The following ARHGAP29 variants were observed in gnomAD, a reference collection of about 807,000 sequenced individuals.
ARHGAP29 encodes rho GTPase-activating protein 29.
ARHGAP29 carries 43 observed loss-of-function variants against 122.6 expected under a neutral mutation model. The observed-to-expected ratio is 0.35, with a 90% CI of 0.27 to 0.45. The LOEUF is 0.45. Ranked by LOEUF, ARHGAP29 falls within the 20% of genes least tolerant of loss-of-function variation. ARHGAP29 has a pLI of 1.00. For synonymous variants in ARHGAP29, 506 were observed against 497.1 expected (o/e 1.02, Z -0.24); for missense variants, 1,303 against 1,477.2 (o/e 0.88, Z 1.93).
intron 1 of ARHGAP29, among the ~76,000 whole-genome samples, chr1:94,256,406 A>C (rs2100705076): frequency 6.6e-6 from 1 of 152,250 alleles, no homozygotes; most frequent in African/African-American, 2.4e-5. Context: ...GAACCCCTTC[A>C]TAAGTTACCT....
chr1:94,223,939 C>G (rs896075196), intron 2 of ARHGAP29, among the ~76,000 whole-genome samples: 1 of 151,996 alleles, frequency 6.6e-6, no homozygotes, highest in African/African-American at 2.4e-5. Context: ...TCCCAAGTAG[C>G]TAGGATTACA....
the ARHGAP29 span, among the ~76,000 whole-genome samples, chr1:94,284,007 A>G: frequency 6.6e-6 from 1 of 152,186 alleles, no homozygotes; most frequent in South Asian, 2.1e-4. Flanking sequence ...AAAATGAACA[A>G]TAAATCACAG....
upstream of ARHGAP29, chr1:94,237,653 G>A (rs1410091545): frequency 1.0e-6 from 1 of 986,206 alleles, no homozygotes; most frequent in Non-Finnish European, 1.2e-6. Context: ...GCCCCCTGGA[G>A]CCCAGCCCAT....
chr1:94,252,509 C>T (rs933432529), intron 1 of ARHGAP29, among the ~76,000 whole-genome samples: 2 of 152,136 alleles, frequency 1.3e-5, no homozygotes, highest in African/African-American at 4.8e-5. Flanking sequence ...CCAGGGAGTC[C>T]TCAGGCAAAC....
At chr1:94,198,807 T>A (rs1297095980) in intron 12 of ARHGAP29, among the ~76,000 whole-genome samples, 2 of 152,174 alleles carry the variant, frequency 1.3e-5, no homozygotes, top group African/African-American at 4.8e-5. Context: ...AACCAAAATG[T>A]TGGCAAGAGT....
the ARHGAP29 span, among the ~76,000 whole-genome samples, chr1:94,284,569 G>A: frequency 5.3e-5 from 8 of 152,332 alleles, no homozygotes; most frequent in South Asian, 6.2e-4. Flanking sequence ...CCAATGCATG[G>A]TTGGCTATGC....
chr1:94,186,640 A>G, intron 15 of ARHGAP29, 43 bp from the exon 16 acceptor site: 1 of 1,355,986 alleles, frequency 7.4e-7, no homozygotes, highest in Non-Finnish European at 1.0e-6. Flanking sequence ...CATTCATTGT[A>G]GAATCTTTGA....
At chr1:94,227,128 A>AT (rs3838305) in intron 2 of ARHGAP29, among the ~76,000 whole-genome samples, 1 of 151,476 alleles carries the variant, frequency 6.6e-6, no homozygotes, top group Non-Finnish European at 1.5e-5. Context: ...TAAACTTTTC[A>AT]TTTAATGAAA....
At chr1:94,238,581 CTG>C (rs1228869944), upstream of ARHGAP29, among the ~76,000 whole-genome samples, 5 of 152,174 alleles carry the variant, frequency 3.3e-5, no homozygotes, top group South Asian at 1.0e-3. Flanking sequence ...GGGAGGGAGA[CTG>C]TGGGTAGCGC....
At chr1:94,203,898 T>C (rs1238293710) in intron 8 of ARHGAP29, 32 bp downstream of exon 8, 1 of 1,601,062 alleles carries the variant, frequency 6.2e-7, no homozygotes, top group East Asian at 2.2e-5. Context: ...AGTTTCTTAT[T>C]ATAGAACCCC....
In ARHGAP29 at chr1:94,190,320, A is replaced by G. The variant is rs1027156996; in HGVS notation, c.1282-237T>C. 22 of 366,696 alleles carry G rather than the reference A, an allele frequency of 6.0e-5. No homozygotes were observed. The Admixed American group carries it at 9.1e-4, about 15-fold the overall frequency. The allele number at this position is 366,696 out of a possible 1,614,324, so 22.7% of individuals were successfully genotyped here. On this transcript the variant is annotated intron_variant, in intron 12 of 22. Transcript: ENST00000260526. ...TCCAGCAAAACTGGCTTTTAGCTGAAAAGTTCAAAAGTGACTTCAAAAACT... is the reference window on the plus strand; with the variant it reads ...TCCAGCAAAACTGGCTTTTAGCTGAGAAGTTCAAAAGTGACTTCAAAAACT...
intron 1 of ARHGAP29, among the ~76,000 whole-genome samples, chr1:94,268,719 G>A (rs1031511349): frequency 3.9e-5 from 6 of 152,044 alleles, no homozygotes; most frequent in South Asian, 2.1e-4. Flanking sequence ...CTTCTTTTTA[G>A]AAACTGGGTC....
Position 94,170,640 on chromosome 1 carries a change from GTAGA to G in ARHGAP29, c.*3225_*3228del, listed in dbSNP as rs988315254. On this transcript the variant is annotated 3_prime_UTR_variant, in exon 23 of 23. Transcript: ENST00000260526. Reference sequence around the variant, plus strand: ...TGCCCTTGTCTTAAGGAAACACACAGTAGATAGAGGTAATAATGCAAAAAATATT... The same window carrying G: ...TGCCCTTGTCTTAAGGAAACACACAGTAGAGGTAATAATGCAAAAAATATT... Among the ~76,000 whole-genome samples the G allele has an allele frequency of 2.0e-5, 3 of 152,196 alleles. No individual in the cohort carries two copies. The highest frequency in any genetic ancestry group is 4.1e-4 in the South Asian group (2 of 4,832).
At chr1:94,246,527 C>T (rs1356375335) in intron 1 of ARHGAP29, among the ~76,000 whole-genome samples, 1 of 152,032 alleles carries the variant, frequency 6.6e-6, no homozygotes, top group African/African-American at 2.4e-5. Flanking sequence ...CCTCCATCCC[C>T]CGCCCAAAAA....
intron 3 of ARHGAP29, 41 bp from the exon 4 acceptor site, chr1:94,209,391 T>TA (rs752801859): frequency 8.1e-7 from 1 of 1,235,320 alleles, no homozygotes; most frequent in South Asian, 1.3e-5. Context: ...AAACATACTT[T>TA]AAACTAGATT....
At chr1:94,221,501 C>T (rs1187805131) in intron 2 of ARHGAP29, among the ~76,000 whole-genome samples, 8 of 151,144 alleles carry the variant, frequency 5.3e-5, no homozygotes, top group Non-Finnish European at 5.9e-5. Context: ...TGTATATACA[C>T]ATATTTCTGT....
chr1:94,203,147 G>C lies in ARHGAP29; in HGVS notation c.826C>G (p.Leu276Val). ...ALLNDIESSH[L>V]LQQTIAALQA... The stretch of plus-strand genomic sequence containing the variant: ...AGAGCTGCAATTGTTTGTTGTAAAA[G>C]GTGACTGCTTTCTATATCATTAAGA... Residue 276 changes from leucine to valine, a missense_variant, in exon 9 of 23, where the codon CTT (leucine) becomes GTT (valine). Coordinates refer to ENST00000260526, the MANE Select transcript of ARHGAP29 (RefSeq NM_004815.4). 6.2e-7 allele frequency: 1 copy of C among 1,613,574 alleles called. No homozygotes were observed. The highest frequency in any genetic ancestry group is 1.1e-5 in the South Asian group (1 of 90,942).
intron 1 of ARHGAP29, among the ~76,000 whole-genome samples, chr1:94,254,770 C>T (rs1018812371): frequency 2.6e-5 from 4 of 152,136 alleles, no homozygotes; most frequent in Non-Finnish European, 5.9e-5. Flanking sequence ...CAGTGGATTC[C>T]AGAAGGACCC....
At chr1:94,275,552 C>A (rs1655150593), upstream of ARHGAP29, among the ~76,000 whole-genome samples, 1 of 152,098 alleles carries the variant, frequency 6.6e-6, no homozygotes, top group Non-Finnish European at 1.5e-5. Context: ...AGAGCAGTAG[C>A]TGTGTATAAA....
Sources: gnomAD v4.1 joint callset for allele counts (sites outside exome capture counted in the v4.1 genomes callset) on GRCh38, gnomAD v4.1.1 for gene constraint, MANE v1.5 for transcripts, NCBI Gene and HGNC (gene_info 2026-07-23, HGNC 2026-07-21) for gene names.